GRM8: variants seen among roughly 807,000 people sequenced by gnomAD.
GRM8 encodes metabotropic glutamate receptor 8.
In GRM8, 47 loss-of-function variants were observed where a neutral mutation model predicts 87.2. That is an observed-to-expected ratio of 0.54 (90% CI 0.43 to 0.69). The LOEUF (loss-of-function observed/expected upper bound fraction) is 0.69. GRM8 is among the 30% of genes least tolerant of loss of function. The pLI is 0.00. For missense variants in GRM8, 1,019 were observed against 1,139.2 expected (o/e 0.89, Z 1.52); for synonymous variants, 396 against 404.5 (o/e 0.98, Z 0.25).
chr7:127,020,669 C>T (rs1254536757), intron 3 of GRM8, among the ~76,000 whole-genome samples: 1 of 152,006 alleles, frequency 6.6e-6, no homozygotes, highest in Non-Finnish European at 1.5e-5. Flanking sequence ...CTCAAAAATG[C>T]CCATTCATTT....
At chr7:126,927,940 C>A (rs1237343646) in intron 3 of GRM8, among the ~76,000 whole-genome samples, 1 of 152,122 alleles carries the variant, frequency 6.6e-6, no homozygotes, top group African/African-American at 2.4e-5. Flanking sequence ...TGGCACTGTT[C>A]ACATTAGCAA....
intron 7 of GRM8, among the ~76,000 whole-genome samples, chr7:126,629,906 C>A (rs1209097068): frequency 4.6e-5 from 7 of 152,020 alleles, no homozygotes; most frequent in Non-Finnish European, 8.8e-5. Context: ...TAGCATAATC[C>A]TTTCAGAAGC....
intron 2 of GRM8, among the ~76,000 whole-genome samples, chr7:127,200,244 C>T (rs1795512807): frequency 6.6e-6 from 1 of 152,140 alleles, no homozygotes; most frequent in South Asian, 2.1e-4. Context: ...TCAAAGCTTT[C>T]CCCCAGCTCT....
At chr7:126,468,236 G>A (rs925288965) in intron 9 of GRM8, among the ~76,000 whole-genome samples, 2 of 139,030 alleles carry the variant, frequency 1.4e-5, no homozygotes, top group Non-Finnish European at 3.1e-5. Flanking sequence ...TGAATAACAA[G>A]AAAAAGACAG....
chr7:126,463,227 G>A (rs1221629632), intron 9 of GRM8, among the ~76,000 whole-genome samples: 1 of 151,560 alleles, frequency 6.6e-6, no homozygotes, highest in African/African-American at 2.4e-5. Context: ...ATCACTCCAT[G>A]GAAGAAAATT....
chr7:126,781,017 G>A (rs1179625357), intron 6 of GRM8, among the ~76,000 whole-genome samples: 2 of 152,108 alleles, frequency 1.3e-5, no homozygotes, highest in Non-Finnish European at 2.9e-5. Flanking sequence ...AAAACAACAG[G>A]ATTTGGATAT....
intron 6 of GRM8, among the ~76,000 whole-genome samples, chr7:126,831,589 C>T (rs939345882): frequency 1.3e-5 from 2 of 152,182 alleles, no homozygotes; most frequent in Non-Finnish European, 2.9e-5. Context: ...CCCAGTTTTC[C>T]AGGTGCCGTC....
At chr7:126,729,532 A>C (rs1813372518) in intron 7 of GRM8, among the ~76,000 whole-genome samples, 1 of 152,158 alleles carries the variant, frequency 6.6e-6, no homozygotes, top group African/African-American at 2.4e-5. Flanking sequence ...TCCCTGTCTT[A>C]GTTCTCCACT....
intron 2 of GRM8, among the ~76,000 whole-genome samples, chr7:127,208,611 C>T (rs1796046738): frequency 6.6e-6 from 1 of 152,202 alleles, no homozygotes; most frequent in Non-Finnish European, 1.5e-5. Flanking sequence ...TCTGCCATGC[C>T]TCTTCCCTCA....
At chr7:126,653,132 T>C (rs62477939) in intron 7 of GRM8, among the ~76,000 whole-genome samples, 46,589 of 151,752 alleles carry the variant, frequency 0.31, 8,014 homozygotes, top group East Asian at 0.43. Context: ...TGAGAATACA[T>C]GTCTACAGAA....
At chr7:126,718,115 T>C (rs1177545685) in intron 7 of GRM8, among the ~76,000 whole-genome samples, 1 of 151,708 alleles carries the variant, frequency 6.6e-6, no homozygotes, top group Admixed American at 6.6e-5. Context: ...CAGGCGCCTG[T>C]AGCCCCAGCT....
chr7:126,461,296 A>C (rs1471725774), intron 9 of GRM8, among the ~76,000 whole-genome samples: 1 of 151,536 alleles, frequency 6.6e-6, no homozygotes, highest in Non-Finnish European at 1.5e-5. Flanking sequence ...TTTATTGAAA[A>C]TCACTCAATT....
chr7:126,581,096 T>C (rs1256461516), intron 8 of GRM8, among the ~76,000 whole-genome samples: 1 of 152,080 alleles, frequency 6.6e-6, no homozygotes, highest in Non-Finnish European at 1.5e-5. Flanking sequence ...AATGCTTACC[T>C]GGACAAGAAC....
chr7:127,107,647 T>C (rs1187098195), intron 2 of GRM8, among the ~76,000 whole-genome samples: 1 of 152,198 alleles, frequency 6.6e-6, no homozygotes, highest in Non-Finnish European at 1.5e-5. Flanking sequence ...CTAATGTCAG[T>C]GCTCAAAGAG....
In GRM8 at chr7:127,188,150, G is replaced by C. The variant is rs1198507183; in HGVS notation, c.510+54545C>G. 7.9e-5 allele frequency among the ~76,000 whole-genome samples: 12 copies of C among 152,186 alleles called. No individual in the cohort carries two copies. The East Asian group carries it at 2.3e-3, about 29-fold the overall frequency. Reference sequence around the variant, plus strand: ...ACTTCTACATGGAGTATTTCAGGAGGGCTCATTGTATCCTCACAATAAACT... The same window carrying C: ...ACTTCTACATGGAGTATTTCAGGAGCGCTCATTGTATCCTCACAATAAACT... On this transcript the variant is annotated intron_variant, in intron 2 of 10. Transcript: ENST00000339582.
chr7:127,127,963 A>C (rs1483463379), intron 2 of GRM8, among the ~76,000 whole-genome samples: 1 of 152,054 alleles, frequency 6.6e-6, no homozygotes, highest in Non-Finnish European at 1.5e-5. Context: ...CCTTCAAAAT[A>C]TCTCGGCGTC....
chr7:126,803,705 G>A (rs1792339768), intron 6 of GRM8, among the ~76,000 whole-genome samples: 1 of 152,254 alleles, frequency 6.6e-6, no homozygotes, highest in East Asian at 1.9e-4. Context: ...TCTAAGCAAG[G>A]GTGCTGACTA....
intron 2 of GRM8, among the ~76,000 whole-genome samples, chr7:127,155,659 C>G (rs928883679): frequency 1.3e-5 from 2 of 152,116 alleles, no homozygotes; most frequent in African/African-American, 2.4e-5. Context: ...AACTAAATAG[C>G]AAGTTCGGTT....
chr7:126,885,833 A>T (rs1381617261), intron 6 of GRM8, among the ~76,000 whole-genome samples: 4 of 152,198 alleles, frequency 2.6e-5, no homozygotes, highest in Non-Finnish European at 5.9e-5. Context: ...TGAAATAAAA[A>T]CAGGAAATCC....
Sources: gnomAD v4.1 joint callset for allele counts (sites outside exome capture counted in the v4.1 genomes callset) on GRCh38, gnomAD v4.1.1 for gene constraint, MANE v1.5 for transcripts, NCBI Gene and HGNC (gene_info 2026-07-23, HGNC 2026-07-21) for gene names.